The following PARPBP variants were observed in gnomAD, a reference collection of about 807,000 sequenced individuals.
PARPBP encodes the protein PCNA-interacting partner.
A neutral mutation model predicts 50.0 loss-of-function variants in PARPBP; 52 were observed. That is an observed-to-expected ratio of 1.04 (90% CI 0.83 to 1.31). PARPBP has a LOEUF of 1.31. PARPBP is among the 50% of genes most tolerant of loss of function. PARPBP has a pLI of 0.00. For missense variants in PARPBP, 697 were observed against 672.0 expected, an observed-to-expected ratio of 1.04 and a Z score of -0.41; for synonymous variants, 244 against 232.1, an observed-to-expected ratio of 1.05 and a Z score of -0.47.
At chr12:102,189,135 T>C (rs1433324784) in intron 9 of PARPBP, among the ~76,000 whole-genome samples, 1 of 152,224 alleles carries the variant, frequency 6.6e-6, no homozygotes, top group Non-Finnish European at 1.5e-5. Context: ...TTGGTCATAA[T>C]TCTTTCCAAA....
rs993535643 is a variant in PARPBP, at chr12:102,165,947, G to A, written c.821+64G>A. The stretch of plus-strand genomic sequence containing the variant: ...TATCTTTAAAACTTTACAGAATTGG[G>A]TAGAAATAAGGGATATTGAAATGAC... On this transcript the variant is annotated intron_variant, in intron 6 of 10. Coordinates refer to ENST00000327680, the MANE Select transcript of PARPBP (RefSeq NM_017915.5). 14 of 1,063,120 alleles carry A rather than the reference G, an allele frequency of 1.3e-5. No homozygotes were observed. In the Admixed American group the frequency reaches 1.6e-4, roughly 12 times the overall value. 65.9% of individuals were successfully genotyped at this position (1,063,120 alleles called of 1,614,324 possible).
At chr12:102,134,080 T>C (rs1185915152) in intron 2 of PARPBP, among the ~76,000 whole-genome samples, 1 of 151,148 alleles carries the variant, frequency 6.6e-6, no homozygotes. Flanking sequence ...AAGCCCAAAC[T>C]TAGCAGAAGG....
chr12:102,169,241 A>G (rs1254878009), intron 6 of PARPBP, among the ~76,000 whole-genome samples: 7 of 152,046 alleles, frequency 4.6e-5, no homozygotes, highest in Non-Finnish European at 8.8e-5. Flanking sequence ...CTTTTTTCCT[A>G]TAACTTCAGA....
chr12:102,148,216 A>G lies in PARPBP; in HGVS notation c.154-14A>G, dbSNP rs779173180. ...CAACTTTATTTTTTTTTTTTTTGGC[A>G]TTATCTTTTTCAGCACAGTGGAGAA... On this transcript the variant is annotated splice_polypyrimidine_tract_variant and intron_variant, in intron 2 of 10. Transcript: ENST00000327680. 7.5e-5 allele frequency: 79 copies of G among 1,050,486 alleles called. No homozygotes were observed. In the African/African-American group the frequency reaches 1.1e-3, roughly 15 times the overall value. 65.1% of individuals were successfully genotyped at this position (1,050,486 alleles called of 1,614,324 possible). A position where few individuals can be genotyped will look rare whatever the true frequency, so the allele number is the denominator to read the frequency against.
intron 6 of PARPBP, among the ~76,000 whole-genome samples, chr12:102,167,576 C>T (rs1888273193): frequency 6.6e-6 from 1 of 152,092 alleles, no homozygotes. Flanking sequence ...TTGTTGGAGA[C>T]TTACTCTCCA....
chr12:102,129,104 A>G (rs1318282946), intron 2 of PARPBP, among the ~76,000 whole-genome samples: 1 of 152,122 alleles, frequency 6.6e-6, no homozygotes, highest in African/African-American at 2.4e-5. Context: ...TCTTTTTGGA[A>G]ATGTCTATTC....
chr12:102,153,897 A>G lies in PARPBP; in HGVS notation c.416A>G (p.Lys139Arg). 2 of 1,608,920 alleles carry G rather than the reference A, an allele frequency of 1.2e-6. No individual in the cohort carries two copies. The highest frequency in any genetic ancestry group is 1.7e-6 in the Non-Finnish European group (2 of 1,175,484). ...PSQLLDFLSGKQYAVGDETDL... is the reference protein window; with the variant it reads ...PSQLLDFLSGRQYAVGDETDL... ...CAACTACTGGATTTTCTGTCTGGCA[A>G]ACAGTATGCAGTAGGTGATGAAACT... Residue 139 changes from lysine to arginine, a missense_variant, in exon 4 of 11, where the codon AAA (lysine) becomes AGA (arginine). By Grantham distance (26) the Lys-to-Arg change is conservative. Transcript: ENST00000327680.
intron 9 of PARPBP, among the ~76,000 whole-genome samples, chr12:102,190,583 G>A (rs1890703275): frequency 6.6e-6 from 1 of 152,088 alleles, no homozygotes; most frequent in African/African-American, 2.4e-5. Flanking sequence ...TAAAGGAAGA[G>A]GCCAGTGCCA....
At position 102,196,332 on chromosome 12, in the gene PARPBP, C is replaced by T; in HGVS notation, c.*41C>T. ...GCTTTAGGTTTATGTATCTATAAAC[C>T]ATTCACCAAAGACATGCTTAATTTT... On this transcript the variant is annotated 3_prime_UTR_variant, in exon 11 of 11. Transcript: ENST00000327680. 1 of 1,268,948 alleles carries T rather than the reference C, an allele frequency of 7.9e-7. No homozygotes were observed. The highest frequency in any genetic ancestry group is 1.1e-6 in the Non-Finnish European group (1 of 909,796). 78.6% of individuals were successfully genotyped at this position (1,268,948 alleles called of 1,614,324 possible).
intron 9 of PARPBP, among the ~76,000 whole-genome samples, chr12:102,194,018 G>A (rs1891037207): frequency 1.3e-5 from 2 of 152,014 alleles, no homozygotes; most frequent in African/African-American, 2.4e-5. Flanking sequence ...GGGAGATGGA[G>A]ACTGTCACAG....
rs539700134 is a variant in PARPBP at position 102,178,364 on chromosome 12, A to G, written c.1006-228A>G. On this transcript the variant is annotated intron_variant, in intron 7 of 10. Coordinates refer to ENST00000327680, the MANE Select transcript of PARPBP (RefSeq NM_017915.5). ...CCTAATGTTATTTTGACCAGAACCT[A>G]ATGTCTTCTTTTGATGATATTATTT... is the stretch of plus-strand genomic sequence containing the variant. 1.8e-4 allele frequency among the ~76,000 whole-genome samples: 27 copies of G among 152,302 alleles called. No individual in the cohort carries two copies. In the South Asian group the frequency reaches 4.8e-3, roughly 27 times the overall value.
chr12:102,182,566 A>G lies in PARPBP; in HGVS notation c.1202A>G (p.Asn401Ser), dbSNP rs766933140. The part of the protein sequence containing the change: ...LTLFRSPTQV[N>S]NSIKPLRERI... The stretch of plus-strand genomic sequence containing the variant: ...TGACATAGGTCTCCCACACAGGTGA[A>G]TAATTCGATAAAACCCCTAAGAGAA... The change falls in exon 9 of 11, where the codon AAT (asparagine) becomes AGT (serine). Residue 401 changes from asparagine to serine, a missense_variant. Coordinates refer to ENST00000327680, the MANE Select transcript of PARPBP (RefSeq NM_017915.5). 1.2e-6 allele frequency: 2 copies of G among 1,612,050 alleles called. No homozygotes were observed. The highest frequency in any genetic ancestry group is 1.7e-4 in the Middle Eastern group (1 of 6,044).
At chr12:102,172,262 A>G (rs1212615160) in intron 6 of PARPBP, among the ~76,000 whole-genome samples, 2 of 152,198 alleles carry the variant, frequency 1.3e-5, no homozygotes, top group African/African-American at 4.8e-5. Flanking sequence ...GCCATAATAT[A>G]TCTTCTGGGA....
intron 2 of PARPBP, among the ~76,000 whole-genome samples, chr12:102,146,751 A>G (rs1052331396): frequency 1.3e-5 from 2 of 152,208 alleles, no homozygotes; most frequent in Admixed American, 1.3e-4. Flanking sequence ...TCTGCACAGC[A>G]AAAGAAACTA....
chr12:102,155,608 G>T, intron 4 of PARPBP, among the ~76,000 whole-genome samples: 1 of 85,446 alleles, frequency 1.2e-5, no homozygotes, highest in Non-Finnish European at 2.3e-5. Context: ...GGGGGGGGGC[G>T]GGGACAATGA....
At chr12:102,179,637 A>C (rs780187467) in intron 8 of PARPBP, among the ~76,000 whole-genome samples, 16 of 152,102 alleles carry the variant, frequency 1.1e-4, no homozygotes, top group Non-Finnish European at 2.1e-4. Context: ...TTTGGATCCC[A>C]CCCATGTGAC....
chr12:102,164,340 G>C (rs1370152882), intron 4 of PARPBP, 98 bp from the exon 5 acceptor site: 1 of 844,574 alleles, frequency 1.2e-6, no homozygotes, highest in African/African-American at 1.7e-5. Context: ...GTGAGGTATT[G>C]TGATTGAATG....
At chr12:102,182,777 C>T (rs1479142036) in intron 9 of PARPBP, 150 bp downstream of exon 9, 15 of 644,026 alleles carry the variant, frequency 2.3e-5, no homozygotes, top group East Asian at 8.4e-5. Context: ...TGACAGTTGA[C>T]GTACAGAGAC....
At chr12:102,170,061 A>T (rs115070513) in intron 6 of PARPBP, among the ~76,000 whole-genome samples, 3,910 of 152,290 alleles carry the variant, frequency 0.026, 139 homozygotes, top group African/African-American at 0.077. Context: ...CCCACTTTTC[A>T]TGAGGCCATC....
Sources: gnomAD v4.1 joint callset for allele counts (sites outside exome capture counted in the v4.1 genomes callset) on GRCh38, gnomAD v4.1.1 for gene constraint, MANE v1.5 for transcripts, NCBI Gene and HGNC (gene_info 2026-07-23, HGNC 2026-07-21) for gene names.